The following NRG3 variants were observed in gnomAD, a reference collection of about 807,000 sequenced individuals.
The protein encoded by NRG3 is neuregulin 3, also known as pro-neuregulin-3, membrane-bound isoform.
In NRG3, 31 loss-of-function variants were observed where a neutral mutation model predicts 66.9. That is an observed-to-expected ratio of 0.46 (90% CI 0.35 to 0.63). The LOEUF is 0.63. NRG3 is among the 20% of genes least tolerant of loss of function. The pLI, the probability that NRG3 is intolerant of heterozygous loss-of-function variation, is 0.00. For synonymous variants in NRG3, 393 were observed against 359.4 expected (o/e 1.09, Z -1.06); for missense variants, 910 against 878.9 (o/e 1.04, Z -0.45).
intron 1 of NRG3, among the ~76,000 whole-genome samples, chr10:82,295,432 G>A (rs570000186): frequency 6.6e-6 from 1 of 152,222 alleles, no homozygotes; most frequent in South Asian, 2.1e-4. Context: ...GGTGGAGCCT[G>A]TTTTTGTTAT....
chr10:82,153,436 T>TGC (rs1197298784), intron 1 of NRG3, among the ~76,000 whole-genome samples: 1 of 150,548 alleles, frequency 6.6e-6, no homozygotes, highest in Non-Finnish European at 1.5e-5. Flanking sequence ...TGTGTGTGTG[T>TGC]GTGTGTTTTC....
chr10:82,374,164 T>G (rs1467494735), intron 2 of NRG3, among the ~76,000 whole-genome samples: 2 of 152,240 alleles, frequency 1.3e-5, no homozygotes, highest in African/African-American at 2.4e-5. Flanking sequence ...ATCAATCTTC[T>G]ATTTCAAACC....
In NRG3 at chr10:82,738,587, G is replaced by A; in HGVS notation, c.964G>A (p.Gly322Ser). ...GSHKHCRCKE[G>S]YQGVRCDQFL... ...ATCCCCTTTTCTCAGGTGCAAAGAA[G>A]GCTACCAAGGAGTCCGTTGTGATCA... The change falls in exon 3 of 9, where the codon GGC (glycine) becomes AGC (serine). Residue 322 changes from glycine (G) to serine (S), a missense_variant. Coordinates refer to ENST00000372141, the MANE Select transcript of NRG3 (RefSeq NM_001010848.4). The A allele has an allele frequency of 6.2e-7, 1 of 1,614,072 alleles. No individual in the cohort carries two copies. Among genetic ancestry groups the A allele is most frequent in the Non-Finnish European group, 8.5e-7 (1 of 1,179,918 alleles).
intron 1 of NRG3, among the ~76,000 whole-genome samples, chr10:81,972,414 T>C (rs1362607511): frequency 6.6e-6 from 1 of 152,032 alleles, no homozygotes; most frequent in African/African-American, 2.4e-5. Context: ...AAAATAGTTA[T>C]TAAGACTACA....
chr10:82,737,304 A>C (rs747835848), intron 2 of NRG3, among the ~76,000 whole-genome samples: 5 of 152,158 alleles, frequency 3.3e-5, no homozygotes, highest in Non-Finnish European at 5.9e-5. Flanking sequence ...CGATTACCTG[A>C]ATTCCAATTT....
chr10:82,922,233 A>T (rs1039045206), intron 4 of NRG3, among the ~76,000 whole-genome samples: 1 of 152,116 alleles, frequency 6.6e-6, no homozygotes, highest in Non-Finnish European at 1.5e-5. Context: ...TTCAGTTTTG[A>T]AACTGTCTTT....
At chr10:82,574,997 G>C (rs1465091685) in intron 2 of NRG3, among the ~76,000 whole-genome samples, 1 of 151,662 alleles carries the variant, frequency 6.6e-6, no homozygotes, top group East Asian at 1.9e-4. Context: ...GAGTTCAAAA[G>C]ATCTATTGTG....
chr10:82,226,501 A>G (rs2076168721), intron 1 of NRG3, among the ~76,000 whole-genome samples: 1 of 152,116 alleles, frequency 6.6e-6, no homozygotes, highest in African/African-American at 2.4e-5. Flanking sequence ...TTGAACACTG[A>G]TGAGGTACTA....
rs367743912 is a variant in NRG3, at chr10:82,832,091, G to A, written c.1028-33320G>A. The stretch of plus-strand genomic sequence containing the variant: ...TTGCATCACATTAGTGGGAGCCGTT[G>A]CTGGAGAGTTTCATAAGGAACATTC... On this transcript the variant is annotated intron_variant, in intron 3 of 8. Transcript: ENST00000372141. Among the ~76,000 whole-genome samples the A allele has an allele frequency of 1.4e-4, 22 of 152,294 alleles. No individual in the cohort carries two copies. In the East Asian group the frequency reaches 2.5e-3, roughly 17 times the overall value.
At chr10:81,998,816 A>G (rs1336964623) in intron 1 of NRG3, among the ~76,000 whole-genome samples, 1 of 152,124 alleles carries the variant, frequency 6.6e-6, no homozygotes, top group Non-Finnish European at 1.5e-5. Flanking sequence ...CTCACTTTTT[A>G]AAAAACATAG....
intron 1 of NRG3, among the ~76,000 whole-genome samples, chr10:82,244,237 G>C (rs1460992988): frequency 6.6e-6 from 1 of 152,114 alleles, no homozygotes; most frequent in Non-Finnish European, 1.5e-5. Context: ...AATTATGGCT[G>C]TTTTATCTGA....
Position 82,509,808 on chromosome 10 carries a change from G to A in NRG3, c.953+150940G>A, listed in dbSNP as rs549558586. ...ATAAAAGTGTTCAACCTGACCTATA[G>A]GATCCATTATGGTCAACCTCCTGTC... On this transcript the variant is annotated intron_variant, in intron 2 of 8. Transcript: ENST00000372141. Among the ~76,000 whole-genome samples the A allele has an allele frequency of 2.0e-5, 3 of 152,222 alleles. No individual in the cohort carries two copies. In the East Asian group the frequency reaches 5.8e-4, roughly 29 times the overall value.
At chr10:81,982,464 G>C (rs987101602) in intron 1 of NRG3, among the ~76,000 whole-genome samples, 1 of 152,136 alleles carries the variant, frequency 6.6e-6, no homozygotes, top group Non-Finnish European at 1.5e-5. Flanking sequence ...TAGGTGTTCA[G>C]TTCTTTAGCA....
chr10:82,619,768 GA>G (rs2048915664), intron 2 of NRG3, among the ~76,000 whole-genome samples: 1 of 152,092 alleles, frequency 6.6e-6, no homozygotes, highest in Non-Finnish European at 1.5e-5. Flanking sequence ...GACACAGACA[GA>G]CATAGAGGAA....
At chr10:82,455,220 C>A in intron 2 of NRG3, among the ~76,000 whole-genome samples, 1 of 152,118 alleles carries the variant, frequency 6.6e-6, no homozygotes, top group Non-Finnish European at 1.5e-5. Context: ...GGAATATGTT[C>A]TTAGTAACGC....
At chr10:82,320,383 G>A (rs946036275) in intron 1 of NRG3, among the ~76,000 whole-genome samples, 13 of 152,208 alleles carry the variant, frequency 8.5e-5, no homozygotes, top group African/African-American at 2.4e-4. Context: ...GAAGAAAAGC[G>A]AGACAGAGAA....
intron 1 of NRG3, among the ~76,000 whole-genome samples, chr10:82,011,759 C>T (rs909684942): frequency 4.6e-5 from 7 of 152,182 alleles, no homozygotes; most frequent in Admixed American, 1.3e-4. Context: ...CCAAAATGAT[C>T]TCCTTTGACT....
At chr10:82,574,694 C>T (rs1043429709) in intron 2 of NRG3, among the ~76,000 whole-genome samples, 4 of 151,652 alleles carry the variant, frequency 2.6e-5, no homozygotes, top group African/African-American at 4.8e-5. Flanking sequence ...ATGTGGTATA[C>T]ATACATAATG....
At chr10:82,177,158 A>G (rs1301069372) in intron 1 of NRG3, among the ~76,000 whole-genome samples, 2 of 152,072 alleles carry the variant, frequency 1.3e-5, no homozygotes, top group African/African-American at 4.8e-5. Flanking sequence ...TGTTTATATT[A>G]CTATCATTTT....
Sources: gnomAD v4.1 joint callset for allele counts (sites outside exome capture counted in the v4.1 genomes callset) on GRCh38, gnomAD v4.1.1 for gene constraint, MANE v1.5 for transcripts, NCBI Gene and HGNC (gene_info 2026-07-23, HGNC 2026-07-21) for gene names.